Variants in WDR73 observed in about 807,000 individuals in gnomAD.
The protein encoded by WDR73 is WD repeat domain 73.
In WDR73, 30 loss-of-function variants were observed where a neutral mutation model predicts 38.2. That is an observed-to-expected ratio of 0.79 (90% CI 0.59 to 1.06). The LOEUF (loss-of-function observed/expected upper bound fraction) is 1.06, where lower values mean the gene tolerates loss of function less well. Among genes scored for constraint, WDR73 ranks in the 50% least tolerant of loss-of-function variants. The probability of loss-of-function intolerance (pLI) is 0.00; values close to 1 mark genes in which losing one functional copy is unlikely to be tolerated. For missense variants in WDR73, 487 were observed against 467.0 expected (o/e 1.04, Z -0.40); for synonymous variants, 197 against 176.0 (o/e 1.12, Z -0.94).
chr15:84,643,759 C>A, intron 7 of WDR73, 36 bp from the exon 8 acceptor site: 1 of 1,546,522 alleles, frequency 6.5e-7, no homozygotes, highest in Non-Finnish European at 8.7e-7. Flanking sequence ...GACAATGAGT[C>A]CCTAATTTTA....
chr15:84,653,119 G>A (rs959897711), intron 2 of WDR73: 8 of 240,990 alleles, frequency 3.3e-5, no homozygotes, highest in East Asian at 8.9e-5. Context: ...GGGTTTCCTT[G>A]CTTAGGTTAG....
At chr15:84,645,303 T>A in intron 7 of WDR73, 168 bp downstream of exon 7, 2 of 1,510,132 alleles carry the variant, frequency 1.3e-6, no homozygotes, top group Non-Finnish European at 1.8e-6. Context: ...GTAGCCAGGG[T>A]AGGAAAAGGC....
intron 3 of WDR73, among the ~76,000 whole-genome samples, chr15:84,650,079 C>T (rs1896577687): frequency 6.6e-6 from 1 of 152,184 alleles, no homozygotes. Flanking sequence ...CTAGCCTCTC[C>T]CAGGCTGAAC....
chr15:84,648,982 G>T (rs1471033361), intron 3 of WDR73, among the ~76,000 whole-genome samples: 3 of 152,222 alleles, frequency 2.0e-5, no homozygotes, highest in African/African-American at 7.2e-5. Context: ...TGGAAGTCAG[G>T]TGGGTTCCTC....
At chr15:84,652,894 G>T in intron 2 of WDR73, 92 bp from the exon 3 acceptor site, 1 of 734,372 alleles carries the variant, frequency 1.4e-6, no homozygotes, top group Non-Finnish European at 2.2e-6. Context: ...CCTTCACTGT[G>T]CAGCCTTGTA....
chr15:84,645,659 C>G lies in WDR73; in HGVS notation c.695G>C (p.Ser232Thr), dbSNP rs1157435675. ...GCTGGGCCCAGGGCCCTGGCCCCAGCTCCCAACTTCAGCACACCATCTCTC... is the reference window on the plus strand; with the variant it reads ...GCTGGGCCCAGGGCCCTGGCCCCAGGTCCCAACTTCAGCACACCATCTCTC... ...GGERWCAEVG[S>T]WGQGPGPSIA... The change falls in exon 7 of 8, where the codon AGC becomes ACC. Residue 232 changes from serine (S) to threonine (T), a missense_variant. Physicochemically the swap from Ser to Thr is moderately conservative, Grantham distance 58. Transcript: ENST00000434634. 6.2e-7 allele frequency: 1 copy of G among 1,608,550 alleles called. No individual in the cohort carries two copies. The highest frequency in any genetic ancestry group is 1.7e-5 in the Admixed American group (1 of 58,922).
chr15:84,649,785 A>T (rs1294122617), intron 3 of WDR73, among the ~76,000 whole-genome samples: 2 of 151,746 alleles, frequency 1.3e-5, no homozygotes, highest in Admixed American at 6.6e-5. Context: ...TAACTTTTTA[A>T]ATTTTGTGAA....
intron 3 of WDR73, among the ~76,000 whole-genome samples, chr15:84,651,140 T>G (rs1279794486): frequency 1.4e-5 from 2 of 148,008 alleles, no homozygotes; most frequent in Non-Finnish European, 3.0e-5. Context: ...TTAAGAAGTT[T>G]GGGGCCAGGA....
At chr15:84,650,893 CAGG>C (rs1480672083) in intron 3 of WDR73, among the ~76,000 whole-genome samples, 2 of 152,134 alleles carry the variant, frequency 1.3e-5, no homozygotes, top group Non-Finnish European at 2.9e-5. Context: ...CTTTGGGAGG[CAGG>C]AGGATTGCTT....
In WDR73 at chr15:84,650,857, G is replaced by A. The variant is rs118030529; in HGVS notation, c.198+1857C>T. ...AAACAAAATAAAAAAGGCCAAGTGC[G>A]GTGGTTCACACCTGGAATCCCAGCA... On this transcript the variant is annotated intron_variant, in intron 3 of 7. Coordinates refer to ENST00000434634, the MANE Select transcript of WDR73 (RefSeq NM_032856.5). 3.9e-3 allele frequency among the ~76,000 whole-genome samples: 594 copies of A among 152,208 alleles called. 20 individuals are homozygous for A. The East Asian group carries it at 0.085, about 22-fold the overall frequency.
rs765705719 is a variant in WDR73, at chr15:84,646,226, G to T, written c.475C>A (p.Gln159Lys). 13 of 1,613,786 alleles carry T rather than the reference G, an allele frequency of 8.1e-6. No homozygotes were observed. The highest frequency in any genetic ancestry group is 2.7e-5 in the African/African-American group (2 of 74,918). The change falls in exon 6 of 8, where the codon CAG becomes AAG. Residue 159 changes from glutamine (Q) to lysine (K), a missense_variant. By Grantham distance (53) the Gln-to-Lys change is moderately conservative. Transcript: ENST00000434634. ...VLHGARLRSL[Q>K]VVDLESRKTT... ...TTCCGGGACTCCAGATCAACGACCT[G>T]CAGACTTCGGAGCCTCGCCCCATGG...
chr15:84,643,547 G>A lies in WDR73; in HGVS notation c.1060C>T (p.Pro354Ser). 1 of 1,608,560 alleles carries A rather than the reference G, an allele frequency of 6.2e-7. No individual in the cohort carries two copies. The highest frequency in any genetic ancestry group is 8.5e-7 in the Non-Finnish European group (1 of 1,177,440). Residue 354 changes from proline to serine, a missense_variant, in exon 8 of 8, where the codon CCA (proline) becomes TCA (serine). By Grantham distance (74) the Pro-to-Ser change is moderately conservative. Coordinates refer to ENST00000434634, the MANE Select transcript of WDR73 (RefSeq NM_032856.5). Reference protein sequence around the residue: ...VTTHTWHPCRPRTLLSATNDA... With the variant: ...VTTHTWHPCRSRTLLSATNDA... ...TTTGTTGCTGATAACAAAGTCCTTG[G>A]TCTGCAGGGATGCCAGGTGTGGGTG...
chr15:84,653,659 G>A lies in WDR73; in HGVS notation c.82C>T (p.Arg28Ter), dbSNP rs754451621. ...FYAFDLSGAT[R>*]VLEWIDDKGV... is the part of the protein sequence containing the mutation. ...TTGTCATCAATCCATTCAAGGACTC[G>A]AGTGGCTCCTGACAGGTCGAATGCA... Residue 28 changes from arginine to a stop codon, truncating the protein, a stop_gained, in exon 2 of 8, where the codon CGA becomes TGA. Coordinates refer to ENST00000434634, the MANE Select transcript of WDR73 (RefSeq NM_032856.5). LOFTEE classifies it high-confidence loss of function. 15 of 1,595,638 alleles carry A rather than the reference G, an allele frequency of 9.4e-6. No homozygotes were observed. The highest frequency in any genetic ancestry group is 1.3e-5 in the African/African-American group (1 of 74,568).
chr15:84,652,911 A>C (rs900410766), intron 2 of WDR73, 109 bp from the exon 3 acceptor site: 1 of 612,736 alleles, frequency 1.6e-6, no homozygotes, highest in Non-Finnish European at 2.8e-6. Flanking sequence ...TGTATGGAGG[A>C]ATTGAGTACC....
rs74199620 is a variant in WDR73 at position 84,642,767 on chromosome 15, AT to A, written c.*702del. 2,017 of 139,540 alleles carry A rather than the reference AT, an allele frequency of 0.014. 23 individuals are homozygous for A. Among genetic ancestry groups the A allele is most frequent in the Middle Eastern group, 0.036 (9 of 252 alleles). 8.6% of individuals were successfully genotyped at this position (139,540 alleles called of 1,614,324 possible). ...GGCATGAGCCACCATGCCCAGCCAA[AT>A]TTTTTTTTTTTTTTAAGGGAAGGGA... is the stretch of plus-strand genomic sequence containing the variant. On this transcript the variant is annotated 3_prime_UTR_variant, in exon 8 of 8. Transcript: ENST00000434634.
intron 5 of WDR73, chr15:84,647,481 C>G (rs1896498685): frequency 5.6e-6 from 1 of 180,116 alleles, no homozygotes; most frequent in African/African-American, 2.4e-5. Flanking sequence ...TAATTCCCAC[C>G]TGGCTCTGAG....
At chr15:84,648,346 G>A (rs907928152) in intron 4 of WDR73, 191 bp downstream of exon 4, 6 of 593,994 alleles carry the variant, frequency 1.0e-5, no homozygotes, top group African/African-American at 3.7e-5. Context: ...GCTCTGGGGG[G>A]CTATGAAGCC....
At chr15:84,647,239 G>T (rs4842981) in intron 5 of WDR73, 133,563 of 152,342 alleles carry the variant, frequency 0.88, 58,841 homozygotes, top group African/African-American at 0.97. Flanking sequence ...GGTTAGCAGG[G>T]AGGTTCTCCT....
At chr15:84,649,138 C>G (rs1896548072) in intron 3 of WDR73, among the ~76,000 whole-genome samples, 1 of 152,190 alleles carries the variant, frequency 6.6e-6, no homozygotes, top group Non-Finnish European at 1.5e-5. Flanking sequence ...AACTAAGGCA[C>G]AAGGAGCTTC....
Sources: gnomAD v4.1 joint callset for allele counts (sites outside exome capture counted in the v4.1 genomes callset) on GRCh38, gnomAD v4.1.1 for gene constraint, MANE v1.5 for transcripts, NCBI Gene and HGNC (gene_info 2026-07-23, HGNC 2026-07-21) for gene names.